The following FBN2 variants were observed in gnomAD, a reference collection of about 807,000 sequenced individuals.
FBN2 encodes the protein fibrillin-2.
FBN2 carries 105 observed loss-of-function variants against 355.6 expected under a neutral mutation model. That is an observed-to-expected ratio of 0.30 (90% CI 0.25 to 0.35). FBN2 has a LOEUF of 0.35. Ranked by LOEUF, FBN2 falls within the 10% of genes least tolerant of loss-of-function variation. FBN2 has a pLI of 1.00. For missense variants in FBN2, 3,280 were observed against 3,758.7 expected, an observed-to-expected ratio of 0.87 and a Z score of 3.33; for synonymous variants, 1,350 against 1,301.2, an observed-to-expected ratio of 1.04 and a Z score of -0.81.
At chr5:128,352,101 T>C (rs1256770903) in intron 20 of FBN2, among the ~76,000 whole-genome samples, 1 of 152,148 alleles carries the variant, frequency 6.6e-6, no homozygotes, top group Non-Finnish European at 1.5e-5. Flanking sequence ...ATGAATAATT[T>C]AAAAGAAAAA....
chr5:128,412,501 T>C (rs1753096108), intron 7 of FBN2, among the ~76,000 whole-genome samples: 1 of 152,244 alleles, frequency 6.6e-6, no homozygotes, highest in African/African-American at 2.4e-5. Flanking sequence ...GAAAATGTTC[T>C]GATTGGCATA....
intron 5 of FBN2, 126 bp from the exon 6 acceptor site, chr5:128,465,047 A>G (rs1754672066): frequency 2.2e-6 from 2 of 925,470 alleles, no homozygotes; most frequent in African/African-American, 3.3e-5. Context: ...AGAAGGCTAG[A>G]GAGTTTCATG....
chr5:128,276,263 A>T, intron 58 of FBN2, 103 bp from the exon 59 acceptor site: 1 of 1,238,108 alleles, frequency 8.1e-7, no homozygotes, highest in Non-Finnish European at 1.2e-6. Flanking sequence ...TTTCCTGTTC[A>T]ACTTAAAGTG....
chr5:128,372,693 T>C (rs1237658239), intron 15 of FBN2, among the ~76,000 whole-genome samples: 1 of 152,164 alleles, frequency 6.6e-6, no homozygotes, highest in Non-Finnish European at 1.5e-5. Flanking sequence ...GATTTCACCA[T>C]GGAGCCCAGA....
At chr5:128,350,595 G>A (rs1751327355) in intron 21 of FBN2, among the ~76,000 whole-genome samples, 1 of 152,124 alleles carries the variant, frequency 6.6e-6, no homozygotes, top group Admixed American at 6.5e-5. Context: ...CAGCCACCAC[G>A]CAAACAAGGA....
At position 128,288,788 on chromosome 5, in the gene FBN2, A is replaced by C. The variant is rs149705092; in HGVS notation, c.6638-231T>G. ...GCAATACTCGCCCTAAAGATGACAAATCCAGAAGAAGAATGTGGTCCTCTG... is the reference window on the plus strand; with the variant it reads ...GCAATACTCGCCCTAAAGATGACAACTCCAGAAGAAGAATGTGGTCCTCTG... On this transcript the variant is annotated intron_variant, in intron 52 of 64. Transcript: ENST00000262464. Among the ~76,000 whole-genome samples the C allele has an allele frequency of 4.9e-3, 742 of 152,328 alleles. 6 individuals carry two copies. Among genetic ancestry groups the C allele is most frequent in the African/African-American group, 0.017 (721 of 41,566 alleles).
chr5:128,332,398 A>G (rs112998733), intron 32 of FBN2, among the ~76,000 whole-genome samples: 25 of 152,326 alleles, frequency 1.6e-4, no homozygotes, highest in African/African-American at 5.8e-4. Flanking sequence ...CTGGCTCAAG[A>G]ACCATAAAAC....
intron 34 of FBN2, among the ~76,000 whole-genome samples, chr5:128,319,480 T>A (rs1472485311): frequency 6.6e-6 from 1 of 151,170 alleles, no homozygotes; most frequent in African/African-American, 2.4e-5. Context: ...TTTAGTTAAT[T>A]TAGTTAATTA....
intron 20 of FBN2, among the ~76,000 whole-genome samples, chr5:128,355,825 G>C (rs1751483299): frequency 6.6e-6 from 1 of 152,152 alleles, no homozygotes; most frequent in African/African-American, 2.4e-5. Context: ...CAATACACTG[G>C]CTGAGAAAAA....
intron 4 of FBN2, among the ~76,000 whole-genome samples, chr5:128,520,009 A>T (rs1256737312): frequency 6.6e-6 from 1 of 152,154 alleles, no homozygotes; most frequent in African/African-American, 2.4e-5. Context: ...AGGTCATAGA[A>T]GAAAAAAAGG....
In FBN2 at chr5:128,480,666, C is replaced by T. The variant is rs1363318972; in HGVS notation, c.629-15745G>A. 2.6e-5 allele frequency among the ~76,000 whole-genome samples: 4 copies of T among 152,094 alleles called. No homozygotes were observed. The East Asian group carries it at 7.8e-4, about 30-fold the overall frequency. ...CAGAGGTTGCAGTGAGCCAAGATTGCGCCATTGCAGTGAGCCAAGATTGTC... is the reference window on the plus strand; with the variant it reads ...CAGAGGTTGCAGTGAGCCAAGATTGTGCCATTGCAGTGAGCCAAGATTGTC... On this transcript the variant is annotated intron_variant, in intron 5 of 64. Transcript: ENST00000262464.
Position 128,456,207 on chromosome 5 carries a change from A to T in FBN2, c.826+8517T>A, listed in dbSNP as rs182016836. ...AGGCCAGAGTGCCTCTTCAGGTCTA[A>T]CCCTGACCCATCCTTCCTCAGTGGG... On this transcript the variant is annotated intron_variant, in intron 6 of 64. Transcript: ENST00000262464. 4.7e-3 allele frequency among the ~76,000 whole-genome samples: 708 copies of T among 151,730 alleles called. 6 individuals carry two copies. Among genetic ancestry groups the T allele is most frequent in the Middle Eastern group, 0.024 (7 of 294 alleles).
At chr5:128,375,520 GT>G (rs971521105) in intron 14 of FBN2, among the ~76,000 whole-genome samples, 3 of 152,082 alleles carry the variant, frequency 2.0e-5, no homozygotes, top group Non-Finnish European at 4.4e-5. Context: ...CAAAACTACA[GT>G]ACTCCTCCTT....
chr5:128,271,977 G>A (rs774575652), intron 62 of FBN2, 22 bp downstream of exon 62: 20 of 1,613,428 alleles, frequency 1.2e-5, no homozygotes, highest in Middle Eastern at 1.6e-4. Context: ...AAGCAAGTGC[G>A]ATGGAAGAAA....
chr5:128,332,801 C>T (rs893247215), intron 32 of FBN2, 111 bp downstream of exon 32: 2 of 1,107,330 alleles, frequency 1.8e-6, no homozygotes, highest in African/African-American at 1.5e-5. Context: ...ACTAAGATAA[C>T]CTTTTTATAA....
intron 5 of FBN2, among the ~76,000 whole-genome samples, chr5:128,510,513 T>C (rs1756084680): frequency 6.6e-6 from 1 of 152,234 alleles, no homozygotes; most frequent in South Asian, 2.1e-4. Context: ...CACATTTTCA[T>C]ATATTCTGTT....
At chr5:128,318,092 G>A (rs569746177) in intron 36 of FBN2, 57 bp downstream of exon 36, 8 of 1,553,482 alleles carry the variant, frequency 5.1e-6, no homozygotes, top group South Asian at 1.1e-5. Context: ...ATTATCAAGA[G>A]AGTCTGAATA....
intron 5 of FBN2, among the ~76,000 whole-genome samples, chr5:128,515,201 T>C (rs1439597620): frequency 6.6e-6 from 1 of 152,198 alleles, no homozygotes; most frequent in Non-Finnish European, 1.5e-5. Flanking sequence ...TAAGTAGATT[T>C]AATGGCTACT....
Position 128,389,379 on chromosome 5 carries a change from C to T in FBN2, c.1603+2639G>A, listed in dbSNP as rs184251421. Among the ~76,000 whole-genome samples the T allele has an allele frequency of 4.3e-3, 651 of 152,258 alleles. 6 individuals are homozygous for T. The highest frequency in any genetic ancestry group is 0.013 in the South Asian group (62 of 4,826). On this transcript the variant is annotated intron_variant, in intron 11 of 64. Coordinates refer to ENST00000262464, the MANE Select transcript of FBN2 (RefSeq NM_001999.4). Reference sequence around the variant, plus strand: ...CCAATGGTTAGGCAGGGTTTGCTGGCAAAGGAGCTATGGTGGTGACACCTG... The same window carrying T: ...CCAATGGTTAGGCAGGGTTTGCTGGTAAAGGAGCTATGGTGGTGACACCTG...
Sources: allele counts gnomAD v4.1 joint callset (sites outside exome capture counted in the v4.1 genomes callset), GRCh38; gene constraint gnomAD v4.1.1; transcripts MANE v1.5; gene names NCBI Gene and HGNC (gene_info 2026-07-23, HGNC 2026-07-21).